The following TIGD1 variants were observed in gnomAD, a reference collection of about 807,000 sequenced individuals.
TIGD1 encodes tigger transposable element derived 1.
In TIGD1, 20 loss-of-function variants were observed where a neutral mutation model predicts 21.3. The observed-to-expected ratio is 0.94, with a 90% CI of 0.66 to 1.36. The LOEUF (loss-of-function observed/expected upper bound fraction) is 1.36. TIGD1 is among the 40% of genes most tolerant of loss of function. The pLI, the probability that TIGD1 is intolerant of heterozygous loss-of-function variation, is 0.00. For synonymous variants in TIGD1, 177 were observed against 123.2 expected (o/e 1.44, Z -2.89); for missense variants, 556 against 350.5 (o/e 1.59, Z -4.68).
rs776739154 is a variant in TIGD1, at chr2:232,544,458, A to G, written c.*3649T>C. The G allele has an allele frequency of 4.3e-6, 7 of 1,613,736 alleles. No individual in the cohort carries two copies. In the East Asian group the frequency reaches 1.6e-4, roughly 36 times the overall value. On this transcript the variant is annotated 3_prime_UTR_variant, in exon 1 of 1. Coordinates refer to ENST00000408957, the MANE Select transcript of TIGD1 (RefSeq NM_145702.4). ...CAGGACACCCAGTCCCGGCTACAGA[A>G]TGGCTCCTCGGGATGGTCGATCACA... is the stretch of plus-strand genomic sequence containing the variant.
rs773523292 is a variant in TIGD1, at chr2:232,544,611, T to C, written c.*3496A>G. ...ACACACCAGGTGTGCCTGGGGACAG[T>C]CCTCCCCTGGGACCCCAGCTGGGGA... On this transcript the variant is annotated 3_prime_UTR_variant, in exon 1 of 1. Coordinates refer to ENST00000408957, the MANE Select transcript of TIGD1 (RefSeq NM_145702.4). The C allele has an allele frequency of 3.1e-6, 5 of 1,590,882 alleles. No homozygotes were observed. The South Asian group carries it at 5.5e-5, about 18-fold the overall frequency.
Position 232,545,507 on chromosome 2 carries a change from G to T in TIGD1, c.*2600C>A. The T allele has an allele frequency of 6.3e-7, 1 of 1,597,976 alleles. No homozygotes were observed. On this transcript the variant is annotated 3_prime_UTR_variant, in exon 1 of 1. Transcript: ENST00000408957. ...CAGGACCCAGGGAAGACCTGGTGCCGCCGCTGGTTATCCCACACCTGCCTC... is the reference window on the plus strand; with the variant it reads ...CAGGACCCAGGGAAGACCTGGTGCCTCCGCTGGTTATCCCACACCTGCCTC...
In TIGD1 at chr2:232,550,174, T is replaced by C. The variant is rs1364465885; in HGVS notation, c.-292A>G. On this transcript the variant is annotated 5_prime_UTR_variant, in exon 1 of 1. An upstream start codon of the reference 5' UTR is lost. Transcript: ENST00000408957. ...AACACAGAGACACCAAGTGAGCACA[T>C]GCTGTTGGAAAAATGGCGCTGATAC... 2 of 337,978 alleles carry C rather than the reference T, an allele frequency of 5.9e-6. No homozygotes were observed. The highest frequency in any genetic ancestry group is 1.1e-5 in the Non-Finnish European group (2 of 178,572). 20.9% of individuals were successfully genotyped at this position (337,978 alleles called of 1,614,324 possible).
chr2:232,544,809 CAGCCTGA>C lies in TIGD1; in HGVS notation c.*3291_*3297del. 6.2e-7 allele frequency: 1 copy of C among 1,613,878 alleles called. No homozygotes were observed. The highest frequency in any genetic ancestry group is 8.5e-7 in the Non-Finnish European group (1 of 1,179,970). ...AGTTAGGGCTGAGCCAGTTCTGTGG[CAGCCTGA>C]AGCAGGCTGCCCCAGCCATCCAGGC... On this transcript the variant is annotated 3_prime_UTR_variant, in exon 1 of 1. Coordinates refer to ENST00000408957, the MANE Select transcript of TIGD1 (RefSeq NM_145702.4).
In TIGD1 at chr2:232,549,754, C is replaced by T; in HGVS notation, c.129G>A (p.Leu43=). The part of the protein sequence containing the change: ...KAEIGRRLGL[L]RQTVSQVVNA... ...TTACAACTTGGCTAACTGTTTGCCG[C>T]AGGAGGCCTAGCCTTCGGCCTATCT... The change falls in exon 1 of 1, where the codon CTG becomes CTA. Residue 43 remains leucine, a synonymous_variant. Transcript: ENST00000408957. 1 of 1,376,606 alleles carries T rather than the reference C, an allele frequency of 7.3e-7. No homozygotes were observed. Among genetic ancestry groups the T allele is most frequent in the Non-Finnish European group, 1.0e-6 (1 of 987,534 alleles). The allele number at this position is 1,376,606 out of a possible 1,614,324, so 85.3% of individuals were successfully genotyped here.
rs1216498368 is a variant in TIGD1 at position 232,548,754 on chromosome 2, C to G, written c.1129G>C (p.Gly377Arg). ...TTAATGGCATCTAAAATGGTGAATC[C>G]TTTCCAGAAGGTTTTCAATTTGCTT... ...GQSKLKTFWK[G>R]FTILDAIKNI... The change falls in exon 1 of 1, where the codon GGA (glycine) becomes CGA (arginine). Residue 377 changes from glycine to arginine, a missense_variant. Physicochemically the swap from Gly to Arg is moderately radical, Grantham distance 125. Transcript: ENST00000408957. 1 of 518,270 alleles carries G rather than the reference C, an allele frequency of 1.9e-6. No individual in the cohort carries two copies. The highest frequency in any genetic ancestry group is 2.3e-5 in the Admixed American group (1 of 44,016). The allele number at this position is 518,270 out of a possible 1,614,324, so 32.1% of individuals were successfully genotyped here. A position where few individuals can be genotyped will look rare whatever the true frequency, so the allele number is the denominator to read the frequency against.
In TIGD1 at chr2:232,549,167, T is replaced by C. The variant is rs1223292207; in HGVS notation, c.716A>G (p.Tyr239Cys). Reference sequence around the variant, plus strand: ...AAGGGCCCTAGGATTTTCAGAATGGTAAATAAGCATTGGCTTCAACTTAAA... The same window carrying C: ...AAGGGCCCTAGGATTTTCAGAATGGCAAATAAGCATTGGCTTCAACTTAAA... ...GDFKLKPMLI[Y>C]HSENPRALKN... Residue 239 changes from tyrosine (Y) to cysteine (C), a missense_variant, in exon 1 of 1, where the codon TAC (tyrosine) becomes TGC (cysteine). By Grantham distance (194) the Tyr-to-Cys change is radical. Coordinates refer to ENST00000408957, the MANE Select transcript of TIGD1 (RefSeq NM_145702.4). 1 of 713,730 alleles carries C rather than the reference T, an allele frequency of 1.4e-6. No individual in the cohort carries two copies. The allele number at this position is 713,730 out of a possible 1,614,324, so 44.2% of individuals were successfully genotyped here.
chr2:232,544,661 G>A lies in TIGD1; in HGVS notation c.*3446C>T, dbSNP rs546453855. The A allele has an allele frequency of 6.4e-5, 100 of 1,566,224 alleles. No individual in the cohort carries two copies. Among genetic ancestry groups the A allele is most frequent in the Admixed American group, 2.2e-4 (13 of 59,948 alleles). On this transcript the variant is annotated 3_prime_UTR_variant, in exon 1 of 1. Transcript: ENST00000408957. Reference sequence around the variant, plus strand: ...AGCCAGGCACAGCAGATGAGTGCTGGAGAAGTGCCCAGGTCAGGGAGAGAG... The same window carrying A: ...AGCCAGGCACAGCAGATGAGTGCTGAAGAAGTGCCCAGGTCAGGGAGAGAG...
rs1692155036 is a variant in TIGD1, at chr2:232,547,585, CCA to C, written c.*520_*521del. Among the ~76,000 whole-genome samples, 1 of 152,152 alleles carries C rather than the reference CCA, an allele frequency of 6.6e-6. No individual in the cohort carries two copies. The highest frequency in any genetic ancestry group is 2.4e-5 in the African/African-American group (1 of 41,436). ...CACCAGCAAGTTCGTATTATTTACT[CCA>C]GTGTGAGTCTGTGTCTGTGCATGCA... On this transcript the variant is annotated 3_prime_UTR_variant, in exon 1 of 1. Transcript: ENST00000408957.
In TIGD1 at chr2:232,545,383, AG is replaced by A. The variant is rs1692107398; in HGVS notation, c.*2723del. 6.6e-6 allele frequency among the ~76,000 whole-genome samples: 1 copy of A among 151,902 alleles called. No individual in the cohort carries two copies. The highest frequency in any genetic ancestry group is 1.9e-4 in the East Asian group (1 of 5,176). ...GGGGCAGGGGGGGCACCTCAGGGCC[AG>A]GGGGCCATGGAATTAGCCACCAGTT... is the stretch of plus-strand genomic sequence containing the variant. On this transcript the variant is annotated 3_prime_UTR_variant, in exon 1 of 1. Transcript: ENST00000408957.
Position 232,548,040 on chromosome 2 carries a change from C to T in TIGD1, c.*67G>A. On this transcript the variant is annotated 3_prime_UTR_variant, in exon 1 of 1. Coordinates refer to ENST00000408957, the MANE Select transcript of TIGD1 (RefSeq NM_145702.4). ...CTGTAGACCAGCAAGAGTGCAATAG[C>T]ATTGTCTAATAAAACAATATACATA... 1 of 558,880 alleles carries T rather than the reference C, an allele frequency of 1.8e-6. No individual in the cohort carries two copies. Among genetic ancestry groups the T allele is most frequent in the East Asian group, 3.0e-5 (1 of 33,064 alleles). 34.6% of individuals were successfully genotyped at this position (558,880 alleles called of 1,614,324 possible).
chr2:232,546,308 C>CTTT lies in TIGD1; in HGVS notation c.*1796_*1798dup, dbSNP rs57021172. On this transcript the variant is annotated 3_prime_UTR_variant, in exon 1 of 1. Transcript: ENST00000408957. The stretch of plus-strand genomic sequence containing the variant: ...ACGATTTCCTGAGTTTTGTAATCCT[C>CTTT]TTTTTTTTTTTTTTTTTTTTAGTTT... 1,084 of 94,736 alleles carry CTTT rather than the reference C, an allele frequency of 0.011. 17 individuals are homozygous for CTTT. Among genetic ancestry groups the CTTT allele is most frequent in the African/African-American group, 0.033 (869 of 26,080 alleles). The allele number at this position is 94,736 out of a possible 1,614,324, so 5.9% of individuals were successfully genotyped here. A position where few individuals can be genotyped will look rare whatever the true frequency, so the allele number is the denominator to read the frequency against.
rs57021172 is a variant in TIGD1, at chr2:232,546,308, C to CTT, written c.*1797_*1798dup. 0.29 allele frequency: 26,660 copies of CTT among 93,510 alleles called. 3,490 individuals carry two copies. Among genetic ancestry groups the CTT allele is most frequent in the East Asian group, 0.48 (1,702 of 3,580 alleles). The allele number at this position is 93,510 out of a possible 1,614,324, so 5.8% of individuals were successfully genotyped here. A position where few individuals can be genotyped will look rare whatever the true frequency, so the allele number is the denominator to read the frequency against. ...ACGATTTCCTGAGTTTTGTAATCCT[C>CTT]TTTTTTTTTTTTTTTTTTTTAGTTT... On this transcript the variant is annotated 3_prime_UTR_variant, in exon 1 of 1. Transcript: ENST00000408957.
Position 232,550,104 on chromosome 2 carries a change from G to A in TIGD1, c.-222C>T. 2.4e-6 allele frequency: 1 copy of A among 421,360 alleles called. No homozygotes were observed. Among genetic ancestry groups the A allele is most frequent in the East Asian group, 3.6e-5 (1 of 27,422 alleles). The allele number at this position is 421,360 out of a possible 1,614,324, so 26.1% of individuals were successfully genotyped here. On this transcript the variant is annotated 5_prime_UTR_variant, in exon 1 of 1. Transcript: ENST00000408957. ...ATCATAGATCACCATAACAGACACA[G>A]AAATCATGAAAAAGTTTTAAATATT...
chr2:232,549,553 T>G lies in TIGD1; in HGVS notation c.330A>C (p.Leu110=). 1.5e-6 allele frequency: 1 copy of G among 673,906 alleles called. No homozygotes were observed. Among genetic ancestry groups the G allele is most frequent in the South Asian group, 1.7e-5 (1 of 58,508 alleles). The allele number at this position is 673,906 out of a possible 1,614,324, so 41.7% of individuals were successfully genotyped here. The change falls in exon 1 of 1, where the codon CTA becomes CTC. Residue 110 remains leucine (L), a synonymous_variant. Transcript: ENST00000408957. ...LSQSLIQNKA[L]TLFNSMKAER... ...CAGCTTTCATAGAGTTGAAGAGAGT[T>G]AGGGCTTTGTTCTGGATTAGGCTTT... is the stretch of plus-strand genomic sequence containing the variant.
rs549529159 is a variant in TIGD1, at chr2:232,548,489, G to A, written c.1394C>T (p.Ala465Val). ...CATCTCAAGAAACCACTTTCTTTGC[G>A]CATCCATAAGAAACAACTCCTCATC... The part of the protein sequence containing the change: ...LTDEELFLMD[A>V]QRKWFLEMES... The change falls in exon 1 of 1, where the codon GCG becomes GTG. Residue 465 changes from alanine to valine, a missense_variant. Physicochemically the swap from Ala to Val is moderately conservative, Grantham distance 64. Coordinates refer to ENST00000408957, the MANE Select transcript of TIGD1 (RefSeq NM_145702.4). 2.9e-5 allele frequency: 19 copies of A among 664,204 alleles called. No homozygotes were observed. The highest frequency in any genetic ancestry group is 3.9e-4 in the Middle Eastern group (1 of 2,554). The allele number at this position is 664,204 out of a possible 1,614,324, so 41.1% of individuals were successfully genotyped here. A position where few individuals can be genotyped will look rare whatever the true frequency, so the allele number is the denominator to read the frequency against.
Position 232,548,155 on chromosome 2 carries a change from T to C in TIGD1, c.1728A>G (p.Gln576=). 2 of 1,293,946 alleles carry C rather than the reference T, an allele frequency of 1.5e-6. No homozygotes were observed. The highest frequency in any genetic ancestry group is 1.5e-5 in the African/African-American group (1 of 67,548). 80.2% of individuals were successfully genotyped at this position (1,293,946 alleles called of 1,614,324 possible). A position where few individuals can be genotyped will look rare whatever the true frequency, so the allele number is the denominator to read the frequency against. ...LTSQQPSTSR[Q]DPPPAKRVRL... is the part of the protein sequence containing the mutation. ...GTACTCTTTTTGCTGGTGGAGGGTC[T>C]TGCCTCGAGGTTGATGGTTGCTGAC... is the stretch of plus-strand genomic sequence containing the variant. The change falls in exon 1 of 1, where the codon CAA becomes CAG. Residue 576 remains glutamine (Q), a synonymous_variant. Coordinates refer to ENST00000408957, the MANE Select transcript of TIGD1 (RefSeq NM_145702.4).
rs1369009270 is a variant in TIGD1 at position 232,544,522 on chromosome 2, ACTC to A, written c.*3582_*3584del. On this transcript the variant is annotated 3_prime_UTR_variant, in exon 1 of 1. Coordinates refer to ENST00000408957, the MANE Select transcript of TIGD1 (RefSeq NM_145702.4). Reference sequence around the variant, plus strand: ...TGGCCCTCTGCCTGCCTCGCAGTGAACTCCTCTTCCAGCAGTGGCAGCGGCAAG... The same window carrying A: ...TGGCCCTCTGCCTGCCTCGCAGTGAACTCTTCCAGCAGTGGCAGCGGCAAG... 1 of 1,613,604 alleles carries A rather than the reference ACTC, an allele frequency of 6.2e-7. No homozygotes were observed. The highest frequency in any genetic ancestry group is 1.3e-5 in the African/African-American group (1 of 74,946).
rs35832336 is a variant in TIGD1, at chr2:232,546,998, C to G, written c.*1109G>C. The stretch of plus-strand genomic sequence containing the variant: ...GTCTTCCTGGGGGAGAGGCAAGGTC[C>G]TGCTCTGAGATTACAGCCGGCACAC... On this transcript the variant is annotated 3_prime_UTR_variant, in exon 1 of 1. Transcript: ENST00000408957. Among the ~76,000 whole-genome samples the G allele has an allele frequency of 0.25, 37,561 of 152,072 alleles. 5,266 individuals carry two copies. Among genetic ancestry groups the G allele is most frequent in the East Asian group, 0.42 (2,159 of 5,162 alleles).
Sources: allele counts gnomAD v4.1 joint callset (sites outside exome capture counted in the v4.1 genomes callset), GRCh38; gene constraint gnomAD v4.1.1; transcripts MANE v1.5; gene names NCBI Gene and HGNC (gene_info 2026-07-23, HGNC 2026-07-21).